BRINP3: variants seen among roughly 807,000 people sequenced by gnomAD.
The protein encoded by BRINP3 is BMP/retinoic acid-inducible neural-specific protein 3.
In BRINP3, 19 loss-of-function variants were observed where a neutral mutation model predicts 71.0. The observed-to-expected ratio is 0.27, with a 90% CI of 0.19 to 0.39. BRINP3 has a LOEUF of 0.39. BRINP3 is among the 10% of genes least tolerant of loss of function. The pLI is 1.00. For synonymous variants in BRINP3, 380 were observed against 337.7 expected, an observed-to-expected ratio of 1.13 and a Z score of -1.37; for missense variants, 959 against 940.8, an observed-to-expected ratio of 1.02 and a Z score of -0.25.
At chr1:190,264,214 CT>C (rs998897957) in intron 4 of BRINP3, among the ~76,000 whole-genome samples, 6 of 150,980 alleles carry the variant, frequency 4.0e-5, no homozygotes, top group Non-Finnish European at 8.9e-5. Context: ...TCTTTTTTTT[CT>C]TTTGAAAATC....
intron 2 of BRINP3, among the ~76,000 whole-genome samples, chr1:190,399,364 A>G (rs1157823366): frequency 1.6e-4 from 24 of 151,790 alleles, no homozygotes; most frequent in Admixed American, 1.6e-3. Flanking sequence ...AAAAATAGAA[A>G]ATCTACCCAG....
intron 3 of BRINP3, among the ~76,000 whole-genome samples, chr1:190,279,880 T>C (rs1662905711): frequency 6.6e-6 from 1 of 151,892 alleles, no homozygotes; most frequent in African/African-American, 2.4e-5. Context: ...TGTTTACATA[T>C]ATCTAGTTAT....
At position 190,098,088 on chromosome 1, in the gene BRINP3, G is replaced by T. The variant is rs918204620; in HGVS notation, c.2231C>A (p.Ser744Tyr). 3 of 1,614,084 alleles carry T rather than the reference G, an allele frequency of 1.9e-6. No homozygotes were observed. In the African/African-American group the frequency reaches 4.0e-5, roughly 22 times the overall value. The change falls in exon 8 of 8, where the codon TCT becomes TAT. Residue 744 changes from serine to tyrosine, a missense_variant. By Grantham distance (144) the Ser-to-Tyr change is moderately radical. Transcript: ENST00000367462. ...TTTGGCATTAAACGCCTGCAGAGCA[G>T]ATTGGATCCTCACCACCTCACTAGT... ...LSTSEVVRIQ[S>Y]ALQAFNAKLP...
intron 7 of BRINP3, among the ~76,000 whole-genome samples, chr1:190,121,173 C>T (rs533525062): frequency 2.6e-5 from 4 of 152,192 alleles, no homozygotes; most frequent in Admixed American, 2.0e-4. Flanking sequence ...AACACAAAAC[C>T]GGCCGGAGCT....
Position 190,421,147 on chromosome 1 carries a change from C to T in BRINP3, c.236+33508G>A, listed in dbSNP as rs920477238. On this transcript the variant is annotated intron_variant, in intron 2 of 7. Transcript: ENST00000367462. ...ATTCCTGTTATAATCCAATAAATTG[C>T]TAATCACTAAATTCTCCATATGTAT... Among the ~76,000 whole-genome samples the T allele has an allele frequency of 1.4e-4, 21 of 151,516 alleles. 1 individual carries two copies. The highest frequency in any genetic ancestry group is 4.6e-4 in the Admixed American group (7 of 15,180).
intron 6 of BRINP3, among the ~76,000 whole-genome samples, chr1:190,162,388 C>T (rs988042439): frequency 6.6e-6 from 1 of 151,894 alleles, no homozygotes; most frequent in African/African-American, 2.4e-5. Flanking sequence ...AGGTGAAACC[C>T]CATCTCTGCC....
At chr1:190,185,744 A>C (rs1008101938) in intron 6 of BRINP3, among the ~76,000 whole-genome samples, 1 of 152,192 alleles carries the variant, frequency 6.6e-6, no homozygotes, top group African/African-American at 2.4e-5. Context: ...ATAATAGCTG[A>C]ATAAAACATC....
At chr1:190,166,210 G>T (rs1448981148) in intron 6 of BRINP3, among the ~76,000 whole-genome samples, 2 of 152,138 alleles carry the variant, frequency 1.3e-5, no homozygotes, top group Non-Finnish European at 2.9e-5. Context: ...AATAGCTTGT[G>T]AACTGGACAA....
intron 6 of BRINP3, among the ~76,000 whole-genome samples, chr1:190,211,496 G>A (rs1655987941): frequency 6.6e-6 from 1 of 152,048 alleles, no homozygotes. Context: ...TCTGGACACA[G>A]ATATATTTTG....
chr1:190,253,697 T>C (rs1241746278), intron 4 of BRINP3, among the ~76,000 whole-genome samples: 1 of 152,196 alleles, frequency 6.6e-6, no homozygotes, highest in Non-Finnish European at 1.5e-5. Context: ...GATGGGTAGA[T>C]TGCAAAAATT....
chr1:190,121,203 G>A (rs1653621921), intron 7 of BRINP3, among the ~76,000 whole-genome samples: 1 of 152,114 alleles, frequency 6.6e-6, no homozygotes, highest in Non-Finnish European at 1.5e-5. Flanking sequence ...TTGGTTAAGA[G>A]CAGACTGCCA....
At chr1:190,462,124 C>T (rs1216606459) in intron 1 of BRINP3, among the ~76,000 whole-genome samples, 1 of 151,940 alleles carries the variant, frequency 6.6e-6, no homozygotes, top group African/African-American at 2.4e-5. Context: ...GTTGGTCAGG[C>T]TGGTCTCAAA....
rs149073336 is a variant in BRINP3, at chr1:190,221,965, C to T, written c.961+4117G>A. Among the ~76,000 whole-genome samples the T allele has an allele frequency of 2.6e-3, 398 of 151,908 alleles. 3 individuals carry two copies. The highest frequency in any genetic ancestry group is 9.1e-3 in the African/African-American group (376 of 41,466). ...TATATATAAGACTATAATAAAATAA[C>T]AGCAGGGGAATTTAACACCCTCGTA... On this transcript the variant is annotated intron_variant, in intron 6 of 7. Transcript: ENST00000367462.
chr1:190,459,043 G>A (rs528317777), intron 1 of BRINP3, among the ~76,000 whole-genome samples: 14 of 150,838 alleles, frequency 9.3e-5, no homozygotes, highest in African/African-American at 2.9e-4. Flanking sequence ...AAGTATTTAT[G>A]GTTTTTTTCA....
At chr1:190,474,586 C>G (rs542383161) in intron 1 of BRINP3, 1 of 152,622 alleles carries the variant, frequency 6.6e-6, no homozygotes. Context: ...AATTTGCAAC[C>G]CTAGTCACCT....
chr1:190,322,409 G>T (rs1002257367), intron 2 of BRINP3, among the ~76,000 whole-genome samples: 3 of 151,990 alleles, frequency 2.0e-5, no homozygotes, highest in African/African-American at 7.2e-5. Context: ...TGTTAAGACC[G>T]GTAGGCCTAA....
At chr1:190,307,886 T>C (rs926465797) in intron 2 of BRINP3, among the ~76,000 whole-genome samples, 15 of 151,988 alleles carry the variant, frequency 9.9e-5, no homozygotes, top group Admixed American at 5.3e-4. Context: ...TCAAAATACG[T>C]TGAACTGGCA....
At chr1:190,465,320 G>C (rs980507297) in intron 1 of BRINP3, among the ~76,000 whole-genome samples, 1 of 151,922 alleles carries the variant, frequency 6.6e-6, no homozygotes, top group Non-Finnish European at 1.5e-5. Flanking sequence ...TTAATATAAA[G>C]TATAGGGAAC....
At chr1:190,268,755 C>T (rs1237553780) in intron 3 of BRINP3, among the ~76,000 whole-genome samples, 4 of 151,962 alleles carry the variant, frequency 2.6e-5, no homozygotes, top group African/African-American at 9.7e-5. Flanking sequence ...CTGAAACACA[C>T]GAATATTATC....
Sources: gnomAD v4.1 joint callset for allele counts (sites outside exome capture counted in the v4.1 genomes callset) on GRCh38, gnomAD v4.1.1 for gene constraint, MANE v1.5 for transcripts, NCBI Gene and HGNC (gene_info 2026-07-23, HGNC 2026-07-21) for gene names.